TMX3: variants seen among roughly 807,000 people sequenced by gnomAD.
TMX3 encodes thioredoxin related transmembrane protein 3, also known as protein disulfide-isomerase TMX3.
TMX3 carries 40 observed loss-of-function variants against 64.4 expected under a neutral mutation model. The observed-to-expected ratio is 0.62, with a 90% confidence interval of 0.48 to 0.81. The LOEUF (loss-of-function observed/expected upper bound fraction) is 0.81. Among genes scored for constraint, TMX3 ranks in the 30% least tolerant of loss-of-function variants. The pLI, the probability that TMX3 is intolerant of heterozygous loss-of-function variation, is 0.00. For synonymous variants in TMX3, 189 were observed against 175.7 expected, an observed-to-expected ratio of 1.08 and a Z score of -0.60; for missense variants, 497 against 534.5, an observed-to-expected ratio of 0.93 and a Z score of 0.69.
intron 2 of TMX3, 47 bp downstream of exon 2, chr18:68,713,799 A>G (rs2031572811): frequency 2.1e-6 from 2 of 951,784 alleles, no homozygotes; most frequent in Admixed American, 3.3e-5. Flanking sequence ...CAGATATCTG[A>G]GTTGGACAGT....
Position 68,682,706 on chromosome 18 carries a change from T to C in TMX3, c.905+219A>G, listed in dbSNP as rs55919007. ...TACTAGAAAACATTAAATCAGGAGA[T>C]AATTTTTTTTTTTTTTTACTATAGA... On this transcript the variant is annotated intron_variant, in intron 13 of 15. Coordinates refer to ENST00000299608, the MANE Select transcript of TMX3 (RefSeq NM_019022.5). Among the ~76,000 whole-genome samples the C allele has an allele frequency of 6.4e-3, 925 of 143,676 alleles. 5 individuals carry two copies. Among genetic ancestry groups the C allele is most frequent in the Non-Finnish European group, 9.0e-3 (607 of 67,688 alleles). 94.3% of individuals were successfully genotyped at this position (143,676 alleles called of 152,430 possible). A position where few individuals can be genotyped will look rare whatever the true frequency, so the allele number is the denominator to read the frequency against.
chr18:68,700,947 C>T, intron 5 of TMX3: 2 of 985,010 alleles, frequency 2.0e-6, no homozygotes, highest in Non-Finnish European at 2.4e-6. Context: ...GCATTAAAAA[C>T]AGCTCTTCTA....
intron 8 of TMX3, among the ~76,000 whole-genome samples, chr18:68,694,288 C>T (rs550011803): frequency 1.3e-5 from 2 of 152,336 alleles, no homozygotes; most frequent in African/African-American, 4.8e-5. Flanking sequence ...ATACCCTCTT[C>T]AGGGCTCTGC....
At chr18:68,707,031 C>T (rs75344823) in intron 4 of TMX3, among the ~76,000 whole-genome samples, 2,180 of 152,218 alleles carry the variant, frequency 0.014, 55 homozygotes, top group African/African-American at 0.048. Flanking sequence ...TTTGTCTCTT[C>T]CCACAAGAAT....
rs188427668 is a variant in TMX3, at chr18:68,683,476, A to G, written c.849-495T>C. ...CAATGATTCAGCATAAAGTAAAAAT[A>G]TATGTATTTCCGATGCCATTTTTTA... On this transcript the variant is annotated intron_variant, in intron 12 of 15. Transcript: ENST00000299608. Among the ~76,000 whole-genome samples the G allele has an allele frequency of 3.7e-3, 569 of 152,256 alleles. 3 individuals are homozygous for G. The highest frequency in any genetic ancestry group is 0.013 in the African/African-American group (545 of 41,570).
chr18:68,689,947 C>G (rs559775396), intron 9 of TMX3: 32 of 152,202 alleles, frequency 2.1e-4, no homozygotes, highest in African/African-American at 7.7e-4. Context: ...GTAGATAGTA[C>G]CTTTTATATG....
chr18:68,693,940 G>A lies in TMX3; in HGVS notation c.571-2579C>T, dbSNP rs557791412. Among the ~76,000 whole-genome samples the A allele has an allele frequency of 2.6e-5, 4 of 152,200 alleles. No homozygotes were observed. The East Asian group carries it at 5.8e-4, about 22-fold the overall frequency. ...CATGCACTTCCTCGATTCTGAGCAC[G>A]TAAAAACCCCAGACTAAGCGAAACA... On this transcript the variant is annotated intron_variant, in intron 8 of 15. Transcript: ENST00000299608.
At chr18:68,690,000 T>C (rs1012475259) in intron 9 of TMX3, 2 of 152,172 alleles carry the variant, frequency 1.3e-5, no homozygotes, top group Admixed American at 1.3e-4. Context: ...ACAAATAAAA[T>C]TCAGCTCTCA....
chr18:68,686,245 A>G (rs1913943759), intron 10 of TMX3, among the ~76,000 whole-genome samples: 1 of 152,184 alleles, frequency 6.6e-6, no homozygotes, highest in Non-Finnish European at 1.5e-5. Flanking sequence ...ACATAAAATA[A>G]CACTGCCACA....
chr18:68,686,482 G>A (rs1321360058), intron 10 of TMX3, among the ~76,000 whole-genome samples: 6 of 152,136 alleles, frequency 3.9e-5, no homozygotes, highest in East Asian at 1.9e-4. Context: ...AGGCCAAGGC[G>A]TGCGGATCAC....
chr18:68,681,081 A>G lies in TMX3; in HGVS notation c.935T>C (p.Leu312Pro). 6.3e-7 allele frequency: 1 copy of G among 1,596,912 alleles called. No homozygotes were observed. Among genetic ancestry groups the G allele is most frequent in the Non-Finnish European group, 8.5e-7 (1 of 1,172,636 alleles). ...GAAATATTGCTGGTTTGAAGTATTCAGTACAACTACAGTTGGGACTGTCAA... is the reference window on the plus strand; with the variant it reads ...GAAATATTGCTGGTTTGAAGTATTCGGTACAACTACAGTTGGGACTGTCAA... Reference protein sequence around the residue: ...DELTVPTVVVLNTSNQQYFLL... With the variant: ...DELTVPTVVVPNTSNQQYFLL... The change falls in exon 14 of 16, where the codon CTG becomes CCG. Residue 312 changes from leucine to proline, a missense_variant. Leu to Pro is a moderately conservative substitution (Grantham distance 98). Coordinates refer to ENST00000299608, the MANE Select transcript of TMX3 (RefSeq NM_019022.5).
intron 4 of TMX3, among the ~76,000 whole-genome samples, chr18:68,706,919 G>C (rs1463553172): frequency 6.6e-6 from 1 of 152,104 alleles, no homozygotes; most frequent in East Asian, 1.9e-4. Flanking sequence ...CATTCCCTTG[G>C]TGCTAATATT....
At position 68,676,881 on chromosome 18, in the gene TMX3, TAG is replaced by T; in HGVS notation, c.*50_*51del. 6.4e-7 allele frequency: 1 copy of T among 1,560,702 alleles called. No homozygotes were observed. The highest frequency in any genetic ancestry group is 2.0e-5 in the Admixed American group (1 of 51,072). ...TGATTAAATGTCTAAATTCAATAAA[TAG>T]ACTCTTTAATAATTTGAAGTCCTAA... On this transcript the variant is annotated 3_prime_UTR_variant, in exon 16 of 16. Transcript: ENST00000299608.
intron 13 of TMX3, among the ~76,000 whole-genome samples, chr18:68,682,468 TA>T (rs2145015988): frequency 6.6e-6 from 1 of 152,338 alleles, no homozygotes; most frequent in South Asian, 2.1e-4. Context: ...ATTTTCTATG[TA>T]ATAGTCTTTA....
At chr18:68,712,369 C>G (rs182755370) in intron 2 of TMX3, among the ~76,000 whole-genome samples, 1 of 152,150 alleles carries the variant, frequency 6.6e-6, no homozygotes, top group Admixed American at 6.5e-5. Context: ...AGCTTTTTCA[C>G]GTTGTTATGG....
Position 68,684,244 on chromosome 18 carries a change from C to T in TMX3, c.795-1G>A. On this transcript the variant is annotated splice_acceptor_variant, in intron 11 of 15. Coordinates refer to ENST00000299608, the MANE Select transcript of TMX3 (RefSeq NM_019022.5). LOFTEE classifies it high-confidence loss of function. ...AACTTCCTGAATAATTGACTTCAAT[C>T]TGTAGAAGAACAAACATATGAATAG... The T allele has an allele frequency of 6.2e-7, 1 of 1,610,854 alleles. No homozygotes were observed.
At chr18:68,690,903 C>A in intron 9 of TMX3, 1 of 181,300 alleles carries the variant, frequency 5.5e-6, no homozygotes, top group Non-Finnish European at 1.1e-5. Flanking sequence ...AGGGGAAATG[C>A]CATTAGGGAG....
At position 68,680,883 on chromosome 18, in the gene TMX3, G is replaced by A. The variant is rs944435285; in HGVS notation, c.1035+98C>T. The A allele has an allele frequency of 2.0e-5, 25 of 1,251,304 alleles. No individual in the cohort carries two copies. The East Asian group carries it at 6.6e-4, about 33-fold the overall frequency. 77.5% of individuals were successfully genotyped at this position (1,251,304 alleles called of 1,614,324 possible). On this transcript the variant is annotated intron_variant, in intron 14 of 15. Transcript: ENST00000299608. ...GGTCCAGCCCTCTACTCCGGGTGAT[G>A]GCCAACTATTCTTTTCAGAATCACA... is the stretch of plus-strand genomic sequence containing the variant.
intron 10 of TMX3, chr18:68,687,076 G>A (rs1159031195): frequency 1.0e-5 from 10 of 981,522 alleles, no homozygotes; most frequent in African/African-American, 1.8e-5. Context: ...AAACAAATGT[G>A]GCACCAATAA....
Sources: gnomAD v4.1 joint callset for allele counts (sites outside exome capture counted in the v4.1 genomes callset) on GRCh38, gnomAD v4.1.1 for gene constraint, MANE v1.5 for transcripts, NCBI Gene and HGNC (gene_info 2026-07-23, HGNC 2026-07-21) for gene names.